CCNT2: variants seen among roughly 807,000 people sequenced by gnomAD.
CCNT2 encodes the protein cyclin T2.
A neutral mutation model predicts 70.0 loss-of-function variants in CCNT2; 18 were observed. The ratio of observed to expected loss-of-function variants is 0.26; its 90% CI spans 0.18 to 0.38. CCNT2 has a LOEUF of 0.38. Among genes scored for constraint, CCNT2 ranks in the 10% least tolerant of loss-of-function variants. The pLI is 1.00. For synonymous variants in CCNT2, 334 were observed against 313.3 expected (o/e 1.07, Z -0.70); for missense variants, 734 against 890.2 (o/e 0.82, Z 2.23).
chr2:134,927,198 G>A (rs1680358034), intron 2 of CCNT2, among the ~76,000 whole-genome samples: 1 of 152,194 alleles, frequency 6.6e-6, no homozygotes, highest in African/African-American at 2.4e-5. Context: ...AGCTTTAAAT[G>A]TTATTTTGAA....
chr2:134,921,400 C>A (rs548194738), intron 2 of CCNT2, among the ~76,000 whole-genome samples: 10 of 151,972 alleles, frequency 6.6e-5, no homozygotes, highest in Non-Finnish European at 8.8e-5. Context: ...GTCACCCAAG[C>A]TGGAGTACAG....
Position 134,953,608 on chromosome 2 carries a change from C to T in CCNT2, c.1153C>T (p.Pro385Ser), listed in dbSNP as rs946970530. Residue 385 changes from proline (P) to serine (S), a missense_variant, in exon 9 of 9, where the codon CCT (proline) becomes TCT (serine). Around this residue, in one of 3 missense-constraint regions of CCNT2, gnomAD observed 532 missense variants for 556.9 expected, o/e 0.96. Coordinates refer to ENST00000264157, the MANE Select transcript of CCNT2 (RefSeq NM_058241.3). ...SQYNINFQQG[P>S]SISLHSGLHH... ...GTACAACATCAACTTCCAGCAGGGA[C>T]CTTCTATATCACTGCATTCAGGATT... 6.2e-7 allele frequency: 1 copy of T among 1,613,744 alleles called. No homozygotes were observed. The highest frequency in any genetic ancestry group is 8.5e-7 in the Non-Finnish European group (1 of 1,179,782).
chr2:134,942,196 C>G (rs1303154481), intron 4 of CCNT2, among the ~76,000 whole-genome samples: 1 of 151,242 alleles, frequency 6.6e-6, no homozygotes, highest in Non-Finnish European at 1.5e-5. Context: ...CTCGTTTCTA[C>G]CACTGTGGCC....
At chr2:134,925,473 T>A (rs867909182) in intron 2 of CCNT2, among the ~76,000 whole-genome samples, 5 of 152,252 alleles carry the variant, frequency 3.3e-5, no homozygotes, top group South Asian at 4.1e-4. Flanking sequence ...TTCTCCCTAT[T>A]TTTCCCCCAG....
chr2:134,952,625 T>A lies in CCNT2; in HGVS notation c.704-16T>A, dbSNP rs1442115223. 1 of 1,536,442 alleles carries A rather than the reference T, an allele frequency of 6.5e-7. No homozygotes were observed. The highest frequency in any genetic ancestry group is 8.9e-7 in the Non-Finnish European group (1 of 1,128,256). ...AAAGGCACCTTCTAAGTTTCAAATT[T>A]AAATTTTATTTTTAGAGCTAACACA... On this transcript the variant is annotated splice_polypyrimidine_tract_variant and intron_variant, in intron 7 of 8. Transcript: ENST00000264157.
In CCNT2 at chr2:134,959,211, A is replaced by G. The variant is rs978919073; in HGVS notation, c.*4563A>G. ...TTTCTGAATGTACTCAAAACTCCCA[A>G]CAACAATTGAACAGGATGTTTGCTA... On this transcript the variant is annotated 3_prime_UTR_variant, in exon 9 of 9. Coordinates refer to ENST00000264157, the MANE Select transcript of CCNT2 (RefSeq NM_058241.3). The G allele has an allele frequency of 6.6e-6, 1 of 152,144 alleles. No individual in the cohort carries two copies. The highest frequency in any genetic ancestry group is 1.9e-4 in the East Asian group (1 of 5,206). The allele number at this position is 152,144 out of a possible 1,614,324, so 9.4% of individuals were successfully genotyped here. A position where few individuals can be genotyped will look rare whatever the true frequency, so the allele number is the denominator to read the frequency against.
chr2:134,950,439 G>A lies in CCNT2; in HGVS notation c.704-2202G>A, dbSNP rs77460818. On this transcript the variant is annotated intron_variant, in intron 7 of 8. Transcript: ENST00000264157. The stretch of plus-strand genomic sequence containing the variant: ...ACATATCTTGAGCACAGGAGTTTGA[G>A]CCCAGCCTGAGCAACATGGCAAAAC... Among the ~76,000 whole-genome samples, 7 of 152,274 alleles carry A rather than the reference G, an allele frequency of 4.6e-5. No individual in the cohort carries two copies. In the East Asian group the frequency reaches 1.4e-3, roughly 29 times the overall value.
chr2:134,942,935 C>A, intron 5 of CCNT2: 1 of 985,232 alleles, frequency 1.0e-6, no homozygotes, highest in South Asian at 4.7e-5. Flanking sequence ...AGGACTCTAT[C>A]CATCCCCCAT....
At chr2:134,938,932 A>T (rs1048777586) in intron 3 of CCNT2, 70 bp from the exon 4 acceptor site, 6 of 961,978 alleles carry the variant, frequency 6.2e-6, no homozygotes, top group East Asian at 2.6e-5. Flanking sequence ...TTCTCACAAG[A>T]TGTAACAGTC....
chr2:134,921,657 T>C (rs1679917444), intron 2 of CCNT2, among the ~76,000 whole-genome samples: 1 of 152,156 alleles, frequency 6.6e-6, no homozygotes, highest in South Asian at 2.1e-4. Flanking sequence ...CCCGGCCATC[T>C]TCACTTCTTT....
rs1050081862 is a variant in CCNT2 at position 134,958,284 on chromosome 2, T to G, written c.*3636T>G. 6.6e-6 allele frequency: 1 copy of G among 152,206 alleles called. No individual in the cohort carries two copies. The highest frequency in any genetic ancestry group is 1.5e-5 in the Non-Finnish European group (1 of 68,040). 9.4% of individuals were successfully genotyped at this position (152,206 alleles called of 1,614,324 possible). ...AAATGAAAAGCATATCTGCTTAAAT[T>G]TAGGATGTCTTTGCTGAGAATATTT... On this transcript the variant is annotated 3_prime_UTR_variant, in exon 9 of 9. Transcript: ENST00000264157.
chr2:134,949,802 C>CGGGGG (rs150690024), intron 7 of CCNT2, among the ~76,000 whole-genome samples: 14 of 48,896 alleles, frequency 2.9e-4, no homozygotes, highest in African/African-American at 4.4e-4. Context: ...ATTTTTTTTT[C>CGGGGG]GGGGGGGGGG....
At chr2:134,927,700 G>T (rs1415759454) in intron 2 of CCNT2, among the ~76,000 whole-genome samples, 1 of 152,050 alleles carries the variant, frequency 6.6e-6, no homozygotes, top group Non-Finnish European at 1.5e-5. Flanking sequence ...ATTGGTTAAG[G>T]TAATTTTTTA....
At chr2:134,932,975 T>C (rs1680891286) in intron 2 of CCNT2, among the ~76,000 whole-genome samples, 1 of 152,212 alleles carries the variant, frequency 6.6e-6, no homozygotes. Context: ...TGCTGAATAT[T>C]TATTAATGAA....
Position 134,955,027 on chromosome 2 carries a change from C to G in CCNT2, c.*379C>G, listed in dbSNP as rs1460781649. On this transcript the variant is annotated 3_prime_UTR_variant, in exon 9 of 9. Transcript: ENST00000264157. ...CTTTTGAATGAGTGTAAATTGTTTT[C>G]TTTTGTGTATTTATACTTGTATGTA... 1 of 178,718 alleles carries G rather than the reference C, an allele frequency of 5.6e-6. No homozygotes were observed. The highest frequency in any genetic ancestry group is 1.2e-5 in the Non-Finnish European group (1 of 82,988). The allele number at this position is 178,718 out of a possible 1,614,324, so 11.1% of individuals were successfully genotyped here.
At chr2:134,953,040 T>C (rs1246368610) in intron 8 of CCNT2, 190 bp from the exon 9 acceptor site, 2 of 503,526 alleles carry the variant, frequency 4.0e-6, no homozygotes, top group Non-Finnish European at 3.4e-6. Context: ...AATGGGTGTT[T>C]TCAATTTTTT....
chr2:134,945,303 G>A, intron 5 of CCNT2: 1 of 985,386 alleles, frequency 1.0e-6, no homozygotes, highest in Non-Finnish European at 1.2e-6. Context: ...GGAAAGATAT[G>A]TCAGTGCTTG....
intron 7 of CCNT2, among the ~76,000 whole-genome samples, chr2:134,949,437 A>G (rs1682264510): frequency 6.6e-6 from 1 of 152,184 alleles, no homozygotes; most frequent in African/African-American, 2.4e-5. Flanking sequence ...GTTCCAGTAA[A>G]ACTTTTGTTG....
At chr2:134,927,558 G>T (rs1290731198) in intron 2 of CCNT2, among the ~76,000 whole-genome samples, 2 of 152,196 alleles carry the variant, frequency 1.3e-5, no homozygotes, top group East Asian at 3.9e-4. Flanking sequence ...TAACAAATGT[G>T]CATTGAGTGT....
Sources: gnomAD v4.1 joint callset for allele counts (sites outside exome capture counted in the v4.1 genomes callset) on GRCh38, gnomAD v4.1.1 for gene constraint, gnomAD v4.1.1 regional missense constraint, MANE v1.5 for transcripts, NCBI Gene and HGNC (gene_info 2026-07-23, HGNC 2026-07-21) for gene names.